Variants in RUNX2 observed in about 807,000 individuals in gnomAD.
RUNX2 encodes RUNX family transcription factor 2.
In RUNX2, 10 loss-of-function variants were observed where a neutral mutation model predicts 51.7. The ratio of observed to expected loss-of-function variants is 0.19; its 90% CI spans 0.12 to 0.33. The LOEUF (loss-of-function observed/expected upper bound fraction) is 0.33. Ranked by LOEUF, RUNX2 falls within the 10% of genes least tolerant of loss-of-function variation. The pLI, the probability that RUNX2 is intolerant of heterozygous loss-of-function variation, is 1.00. For missense variants in RUNX2, 562 were observed against 691.3 expected, an observed-to-expected ratio of 0.81 and a Z score of 2.10; for synonymous variants, 276 against 273.6, an observed-to-expected ratio of 1.01 and a Z score of -0.09.
At chr6:45,487,477 T>C (rs1800318479) in intron 5 of RUNX2, among the ~76,000 whole-genome samples, 1 of 152,146 alleles carries the variant, frequency 6.6e-6, no homozygotes, top group Admixed American at 6.5e-5. Context: ...ACAGTGAAAG[T>C]GAATAGGGTT....
chr6:45,444,974 T>C (rs958446421), intron 5 of RUNX2, among the ~76,000 whole-genome samples: 2 of 152,190 alleles, frequency 1.3e-5, no homozygotes, highest in Non-Finnish European at 2.9e-5. Flanking sequence ...AGACTTTTTA[T>C]GCCAAAGGCT....
At chr6:45,452,116 T>C (rs2150380623) in intron 5 of RUNX2, among the ~76,000 whole-genome samples, 1 of 152,336 alleles carries the variant, frequency 6.6e-6, no homozygotes, top group South Asian at 2.1e-4. Context: ...GTTCATTTGA[T>C]TTGTATATTC....
At chr6:45,423,350 G>A (rs916173796) in intron 3 of RUNX2, among the ~76,000 whole-genome samples, 3 of 152,156 alleles carry the variant, frequency 2.0e-5, no homozygotes, top group Non-Finnish European at 4.4e-5. Flanking sequence ...TTTCCCGGGG[G>A]CGAGGATCCC....
rs1280753448 is a variant in RUNX2, at chr6:45,549,974, G to A, written c.*2669G>A. 1.3e-5 allele frequency: 2 copies of A among 151,082 alleles called. No homozygotes were observed. The highest frequency in any genetic ancestry group is 4.9e-5 in the African/African-American group (2 of 40,908). 9.4% of individuals were successfully genotyped at this position (151,082 alleles called of 1,614,324 possible). A position where few individuals can be genotyped will look rare whatever the true frequency, so the allele number is the denominator to read the frequency against. On this transcript the variant is annotated 3_prime_UTR_variant, in exon 9 of 9. Coordinates refer to ENST00000647337, the MANE Select transcript of RUNX2 (RefSeq NM_001024630.4). Reference sequence around the variant, plus strand: ...ACAAATTCTGCCCTTTTTTGGTCTAGGGATTAAAATTTTGTTTTTCTTTCT... The same window carrying A: ...ACAAATTCTGCCCTTTTTTGGTCTAAGGATTAAAATTTTGTTTTTCTTTCT...
chr6:45,517,423 G>A (rs1391648901), intron 7 of RUNX2, among the ~76,000 whole-genome samples: 1 of 152,064 alleles, frequency 6.6e-6, no homozygotes, highest in Non-Finnish European at 1.5e-5. Context: ...TGATCCTCTT[G>A]CCTTGGCCTC....
At chr6:45,354,368 T>C (rs767898849) in intron 2 of RUNX2, among the ~76,000 whole-genome samples, 4 of 152,120 alleles carry the variant, frequency 2.6e-5, no homozygotes, top group Non-Finnish European at 4.4e-5. Context: ...AAAAGCACAG[T>C]AATGACTAAA....
At chr6:45,332,030 T>C (rs924239822) in intron 2 of RUNX2, among the ~76,000 whole-genome samples, 1 of 151,938 alleles carries the variant, frequency 6.6e-6, no homozygotes, top group Admixed American at 6.6e-5. Flanking sequence ...AATTAATATT[T>C]ATTGAATAGA....
At chr6:45,384,544 CA>C (rs1451847866) in intron 2 of RUNX2, among the ~76,000 whole-genome samples, 6 of 151,970 alleles carry the variant, frequency 3.9e-5, no homozygotes, top group African/African-American at 1.5e-4. Flanking sequence ...CTTGGCCTCC[CA>C]AAGTGCTGGG....
chr6:45,485,667 A>ATG lies in RUNX2; in HGVS notation c.686-6273_686-6272insGT, dbSNP rs1563106998. 7.3e-5 allele frequency among the ~76,000 whole-genome samples: 9 copies of ATG among 122,640 alleles called. 1 individual carries two copies. The East Asian group carries it at 1.1e-3, about 15-fold the overall frequency. The allele number at this position is 122,640 out of a possible 152,430, so 80.5% of individuals were successfully genotyped here. On this transcript the variant is annotated intron_variant, in intron 5 of 8. Coordinates refer to ENST00000647337, the MANE Select transcript of RUNX2 (RefSeq NM_001024630.4). ...TAAGCGTATATATATGTGTGCATGGATATGTATGTGTGTGTGTGTGTGTGT... is the reference window on the plus strand; with the variant it reads ...TAAGCGTATATATATGTGTGCATGGATGTATGTATGTGTGTGTGTGTGTGTGT...
At chr6:45,397,585 T>C (rs554956372) in intron 2 of RUNX2, among the ~76,000 whole-genome samples, 2 of 152,324 alleles carry the variant, frequency 1.3e-5, no homozygotes, top group East Asian at 1.9e-4. Flanking sequence ...TCGTGTCTCA[T>C]AATGTTTTAA....
chr6:45,328,586 AATAAAT>A, intron 1 of RUNX2, 69 bp from the exon 2 acceptor site: 1 of 1,583,406 alleles, frequency 6.3e-7, no homozygotes, highest in East Asian at 2.3e-5. Flanking sequence ...GACAGAAAAA[AATAAAT>A]ATAAAGTCTA....
At chr6:45,501,158 G>T (rs982433955) in intron 6 of RUNX2, among the ~76,000 whole-genome samples, 9 of 152,214 alleles carry the variant, frequency 5.9e-5, no homozygotes, top group Admixed American at 1.3e-4. Flanking sequence ...CTAGCCTGAT[G>T]CTGCCTCTTG....
chr6:45,477,623 C>T (rs1366790808), intron 5 of RUNX2, among the ~76,000 whole-genome samples: 1 of 152,224 alleles, frequency 6.6e-6, no homozygotes, highest in Non-Finnish European at 1.5e-5. Context: ...GTACTGTTGT[C>T]TGTACCTCTA....
At chr6:45,498,999 G>A (rs1400809414) in intron 6 of RUNX2, among the ~76,000 whole-genome samples, 2 of 152,142 alleles carry the variant, frequency 1.3e-5, no homozygotes, top group East Asian at 3.9e-4. Flanking sequence ...CCCATAAGAG[G>A]CTCAGATACT....
intron 5 of RUNX2, among the ~76,000 whole-genome samples, chr6:45,453,771 C>T (rs1041600888): frequency 2.7e-5 from 4 of 150,112 alleles, no homozygotes; most frequent in Non-Finnish European, 5.9e-5. Context: ...CAGGAGATTC[C>T]CCACATTGAC....
chr6:45,344,118 G>A (rs1048812280), intron 2 of RUNX2, among the ~76,000 whole-genome samples: 1 of 152,120 alleles, frequency 6.6e-6, no homozygotes, highest in South Asian at 2.1e-4. Context: ...TATTCGGAGA[G>A]ATAAAAGTTG....
chr6:45,487,126 C>G (rs1800307407), intron 5 of RUNX2, among the ~76,000 whole-genome samples: 1 of 152,124 alleles, frequency 6.6e-6, no homozygotes, highest in Non-Finnish European at 1.5e-5. Context: ...TAAACACACT[C>G]AACTTTTTGA....
intron 5 of RUNX2, among the ~76,000 whole-genome samples, chr6:45,485,691 G>GTATATATATATATA (rs1368496560): frequency 1.9e-4 from 16 of 82,238 alleles, no homozygotes; most frequent in African/African-American, 3.7e-4. Context: ...GTGTGTGTGT[G>GTATATATATATATA]TGTGTGTATA....
chr6:45,403,934 C>A (rs181047593), intron 2 of RUNX2, among the ~76,000 whole-genome samples: 5 of 152,124 alleles, frequency 3.3e-5, no homozygotes, highest in Admixed American at 2.0e-4. Flanking sequence ...CATACCTGAT[C>A]TGGGGAAACT....
Sources: gnomAD v4.1 joint callset for allele counts (sites outside exome capture counted in the v4.1 genomes callset) on GRCh38, gnomAD v4.1.1 for gene constraint, MANE v1.5 for transcripts, NCBI Gene and HGNC (gene_info 2026-07-23, HGNC 2026-07-21) for gene names.